HERC1: variants seen among roughly 807,000 people sequenced by gnomAD.
HERC1 encodes the protein HECT and RLD domain containing E3 ubiquitin protein ligase family member 1, also known as probable E3 ubiquitin-protein ligase HERC1.
In HERC1, 160 loss-of-function variants were observed where a neutral mutation model predicts 554.3. The observed-to-expected ratio is 0.29, with a 90% confidence interval of 0.25 to 0.33. The LOEUF (loss-of-function observed/expected upper bound fraction) is 0.33, where lower values mean the gene tolerates loss of function less well. Among genes scored for constraint, HERC1 ranks in the 10% least tolerant of loss-of-function variants. The pLI, the probability that HERC1 is intolerant of heterozygous loss-of-function variation, is 1.00. For missense variants in HERC1, 4,919 were observed against 5,918.5 expected (o/e 0.83, Z 5.54); for synonymous variants, 2,175 against 2,131.7 (o/e 1.02, Z -0.56).
chr15:63,713,227 T>C, intron 23 of HERC1, 126 bp downstream of exon 23: 1 of 799,794 alleles, frequency 1.3e-6, no homozygotes. Context: ...CCTAGTCAAT[T>C]TGCATTTCTT....
At chr15:63,705,317 CTTTT>C (rs202087825) in intron 25 of HERC1, among the ~76,000 whole-genome samples, 1 of 148,882 alleles carries the variant, frequency 6.7e-6, no homozygotes, top group Non-Finnish European at 1.5e-5. Context: ...CCACGCCTAG[CTTTT>C]TTTTTTCTTT....
chr15:63,643,224 A>AT (rs1394403206), intron 58 of HERC1, among the ~76,000 whole-genome samples, 166 bp from the exon 59 acceptor site: 1 of 152,238 alleles, frequency 6.6e-6, no homozygotes, highest in Non-Finnish European at 1.5e-5. Flanking sequence ...GACACAGCTG[A>AT]TTTTAAAAAC....
intron 64 of HERC1, chr15:63,636,941 G>A (rs929133387): frequency 2.5e-5 from 8 of 317,130 alleles, no homozygotes; most frequent in Non-Finnish European, 4.4e-5. Context: ...AAGAACCTGA[G>A]CTTCTAGGAA....
At chr15:63,769,956 C>G (rs116150899) in intron 2 of HERC1, among the ~76,000 whole-genome samples, 2,557 of 152,256 alleles carry the variant, frequency 0.017, 67 homozygotes, top group African/African-American at 0.059. Flanking sequence ...TCACATTTGT[C>G]TGCTTAAGAT....
chr15:63,816,969 C>T (rs1235438776), intron 1 of HERC1, among the ~76,000 whole-genome samples: 1 of 151,882 alleles, frequency 6.6e-6, no homozygotes, highest in Non-Finnish European at 1.5e-5. Context: ...AGTACTCTTA[C>T]TGAGAGGGAA....
chr15:63,703,374 G>T (rs1387919841), intron 25 of HERC1, among the ~76,000 whole-genome samples: 1 of 152,242 alleles, frequency 6.6e-6, no homozygotes, highest in South Asian at 2.1e-4. Context: ...AGCCTTTGCA[G>T]GCATGGAAAG....
chr15:63,815,693 A>AT (rs2077469111), intron 1 of HERC1, among the ~76,000 whole-genome samples: 2 of 151,922 alleles, frequency 1.3e-5, no homozygotes, highest in East Asian at 1.9e-4. Context: ...GGTTGGATAT[A>AT]TTTTTTTTAC....
At chr15:63,629,003 T>C (rs1595853478) in intron 69 of HERC1, among the ~76,000 whole-genome samples, 188 bp from the exon 70 acceptor site, 1 of 150,966 alleles carries the variant, frequency 6.6e-6, no homozygotes, top group Non-Finnish European at 1.5e-5. Context: ...CAGGCTGGAG[T>C]GCAGTGGCAC....
intron 1 of HERC1, among the ~76,000 whole-genome samples, chr15:63,803,558 G>T (rs2077052864): frequency 6.6e-6 from 1 of 152,122 alleles, no homozygotes; most frequent in African/African-American, 2.4e-5. Flanking sequence ...AAAGTGCTAG[G>T]ATTATAGGCG....
In HERC1 at chr15:63,626,061, C is replaced by A. The variant is rs1566950239; in HGVS notation, c.13199G>T (p.Arg4400Met). 6.2e-7 allele frequency: 1 copy of A among 1,613,410 alleles called. No individual in the cohort carries two copies. Among genetic ancestry groups the A allele is most frequent in the Non-Finnish European group, 8.5e-7 (1 of 1,179,678 alleles). Residue 4400 changes from arginine (R) to methionine (M), a missense_variant, in exon 71 of 78, where the codon AGG (arginine) becomes ATG (methionine). This residue lies in a region of HERC1 where 410 missense variants were observed against 467.0 expected (regional missense o/e 0.88). Transcript: ENST00000443617. ...REVSIHTVRARLRLLYHFSDL... is the reference protein window; with the variant it reads ...REVSIHTVRAMLRLLYHFSDL... ...AGAGAAGTGGTAGAGCAGCCGGAGC[C>A]TGGCCCGCACCGTGTGAATGCTGAC...
intron 3 of HERC1, among the ~76,000 whole-genome samples, chr15:63,761,500 T>C (rs548150786): frequency 1.3e-5 from 2 of 150,534 alleles, no homozygotes; most frequent in South Asian, 4.2e-4. Context: ...GGCTGGAAGA[T>C]CACTTGAGCC....
Position 63,680,456 on chromosome 15 carries a change from T to G in HERC1, c.6465+81A>C. ...AGAGACGAGCAGATAATCTATAAAC[T>G]GAATACGTGGCACTTGAATAACCGA... On this transcript the variant is annotated intron_variant, in intron 35 of 77. Coordinates refer to ENST00000443617, the MANE Select transcript of HERC1 (RefSeq NM_003922.4). The surrounding 1 kb of genome is among the most constrained non-coding windows in gnomAD (Gnocchi z 5.8). 1 of 1,420,856 alleles carries G rather than the reference T, an allele frequency of 7.0e-7. No homozygotes were observed. Among genetic ancestry groups the G allele is most frequent in the South Asian group, 1.3e-5 (1 of 74,884 alleles). 88.0% of individuals were successfully genotyped at this position (1,420,856 alleles called of 1,614,324 possible).
At chr15:63,701,703 A>G (rs141451793) in intron 25 of HERC1, among the ~76,000 whole-genome samples, 55 of 152,352 alleles carry the variant, frequency 3.6e-4, no homozygotes, top group African/African-American at 1.3e-3. Flanking sequence ...AACAGGAAAC[A>G]CACTATGTGG....
Position 63,648,161 on chromosome 15 carries a change from G to C in HERC1, c.10786C>G (p.Pro3596Ala), listed in dbSNP as rs115732707. 1.3e-5 allele frequency: 21 copies of C among 1,600,964 alleles called. No homozygotes were observed. Among genetic ancestry groups the C allele is most frequent in the Non-Finnish European group, 1.5e-5 (18 of 1,172,814 alleles). Residue 3596 changes from proline (P) to alanine (A), a missense_variant, in exon 55 of 78, where the codon CCA (proline) becomes GCA (alanine). Coordinates refer to ENST00000443617, the MANE Select transcript of HERC1 (RefSeq NM_003922.4). ...CCATCAAAATATCCCACTGCAAATG[G>C]TCTGTCTTCACTGAACCATGCAATG... is the stretch of plus-strand genomic sequence containing the variant. ...TCIAWFSEDRPFAVGYFDGKL... is the reference protein window; with the variant it reads ...TCIAWFSEDRAFAVGYFDGKL...
chr15:63,830,497 C>T (rs1053999262), intron 1 of HERC1, among the ~76,000 whole-genome samples: 11 of 151,894 alleles, frequency 7.2e-5, no homozygotes, highest in Admixed American at 6.6e-5. Context: ...CTAAATGCAA[C>T]GTGGGAACCT....
Position 63,675,124 on chromosome 15 carries a change from T to A in HERC1, c.7071-7A>T, listed in dbSNP as rs2071128558. The stretch of plus-strand genomic sequence containing the variant: ...CGACCAAAAAGTTGGGAAGCTTTAA[T>A]AAAGATCAGAATGACACAGGAAGAA... On this transcript the variant is annotated splice_region_variant and splice_polypyrimidine_tract_variant and intron_variant, in intron 37 of 77. Transcript: ENST00000443617. The A allele has an allele frequency of 4.4e-6, 7 of 1,577,008 alleles. No individual in the cohort carries two copies. Among genetic ancestry groups the A allele is most frequent in the Non-Finnish European group, 6.0e-6 (7 of 1,161,254 alleles).
At chr15:63,660,850 T>A (rs2070317824) in intron 46 of HERC1, 123 bp downstream of exon 46, 3 of 569,490 alleles carry the variant, frequency 5.3e-6, no homozygotes, top group Non-Finnish European at 3.1e-6. Context: ...AGGGAAAATT[T>A]AAGTTAACAT....
chr15:63,679,061 A>G lies in HERC1; in HGVS notation c.6550-696T>C, dbSNP rs73448157. Among the ~76,000 whole-genome samples the G allele has an allele frequency of 1.9e-3, 296 of 152,358 alleles. 1 individual carries two copies. Among genetic ancestry groups the G allele is most frequent in the African/African-American group, 6.8e-3 (284 of 41,588 alleles). ...GTATTGTGTTTCTCAGAGGTTCTAA[A>G]ATTTATCAAAAATGCCTTCTAGATA... On this transcript the variant is annotated intron_variant, in intron 36 of 77. Coordinates refer to ENST00000443617, the MANE Select transcript of HERC1 (RefSeq NM_003922.4).
chr15:63,620,060 T>G (rs1363562303), intron 74 of HERC1, among the ~76,000 whole-genome samples: 3 of 152,226 alleles, frequency 2.0e-5, no homozygotes, highest in African/African-American at 4.8e-5. Flanking sequence ...TGCTCTTGCT[T>G]CTCTAGTTCT....
Sources: gnomAD v4.1 joint callset for allele counts (sites outside exome capture counted in the v4.1 genomes callset) on GRCh38, gnomAD v4.1.1 for gene constraint, gnomAD v4.1.1 regional missense constraint, Gnocchi (gnomAD v3.1) non-coding constraint, MANE v1.5 for transcripts, NCBI Gene and HGNC (gene_info 2026-07-23, HGNC 2026-07-21) for gene names.